MDGA2: variants seen among roughly 807,000 people sequenced by gnomAD.
MDGA2 encodes the protein MAM domain containing glycosylphosphatidylinositol anchor 2.
MDGA2 carries 40 observed loss-of-function variants against 117.8 expected under a neutral mutation model. That is an observed-to-expected ratio of 0.34 (90% CI 0.26 to 0.44). MDGA2 has a LOEUF of 0.44. Ranked by LOEUF, MDGA2 falls within the 20% of genes least tolerant of loss-of-function variation. MDGA2 has a pLI of 1.00. For synonymous variants in MDGA2, 452 were observed against 439.0 expected, an observed-to-expected ratio of 1.03 and a Z score of -0.37; for missense variants, 1,123 against 1,250.6, an observed-to-expected ratio of 0.90 and a Z score of 1.54.
intron 8 of MDGA2, among the ~76,000 whole-genome samples, chr14:47,023,230 A>C (rs1029524175): frequency 6.6e-6 from 1 of 151,862 alleles, no homozygotes; most frequent in Non-Finnish European, 1.5e-5. Flanking sequence ...AAAAGAAAGA[A>C]AGAAAAAAGT....
At chr14:47,597,989 T>C (rs1302679397) in intron 1 of MDGA2, among the ~76,000 whole-genome samples, 1 of 152,014 alleles carries the variant, frequency 6.6e-6, no homozygotes, top group Non-Finnish European at 1.5e-5. Flanking sequence ...AAGTAAAGTG[T>C]CTATAAGACA....
At chr14:47,221,463 C>T (rs577515864) in intron 2 of MDGA2, among the ~76,000 whole-genome samples, 8 of 152,048 alleles carry the variant, frequency 5.3e-5, no homozygotes, top group Non-Finnish European at 1.0e-4. Flanking sequence ...CCGAGGCAGG[C>T]GGATCACGAG....
intron 1 of MDGA2, among the ~76,000 whole-genome samples, chr14:47,619,094 C>A (rs1330501577): frequency 6.9e-6 from 1 of 145,156 alleles, no homozygotes; most frequent in East Asian, 2.1e-4. Flanking sequence ...GATATAATAG[C>A]ATCTCTGAGC....
At chr14:47,602,145 G>A (rs769922702) in intron 1 of MDGA2, among the ~76,000 whole-genome samples, 12 of 152,106 alleles carry the variant, frequency 7.9e-5, no homozygotes, top group Admixed American at 4.6e-4. Context: ...TTTAAAGTAA[G>A]TGACACATAT....
At chr14:47,267,424 A>C (rs550338469) in intron 2 of MDGA2, among the ~76,000 whole-genome samples, 1 of 152,300 alleles carries the variant, frequency 6.6e-6, no homozygotes, top group East Asian at 1.9e-4. Context: ...GACATAAAAA[A>C]TTTGACTCAT....
At chr14:47,527,006 C>A (rs944822785) in intron 1 of MDGA2, among the ~76,000 whole-genome samples, 1 of 152,134 alleles carries the variant, frequency 6.6e-6, no homozygotes, top group Non-Finnish European at 1.5e-5. Context: ...GAGCTTATCA[C>A]AGTATCAGCA....
rs760758103 is a variant in MDGA2 at position 46,855,203 on chromosome 14, A to G, written c.2753-49T>C. On this transcript the variant is annotated intron_variant, in intron 14 of 16. Coordinates refer to ENST00000399232, the MANE Select transcript of MDGA2 (RefSeq NM_001113498.3). This position sits in a 1 kb window ranked among gnomAD's most constrained non-coding sequence, Gnocchi z 4.1. ...TTTTGCATATTCATTTTCACCTCAA[A>G]TTTGTTTTTCCTTGACCAAACACTT... The G allele has an allele frequency of 6.5e-7, 1 of 1,548,532 alleles. No homozygotes were observed. Among genetic ancestry groups the G allele is most frequent in the Non-Finnish European group, 8.8e-7 (1 of 1,142,680 alleles).
intron 1 of MDGA2, among the ~76,000 whole-genome samples, chr14:47,469,058 C>T (rs1893663158): frequency 6.6e-6 from 1 of 152,010 alleles, no homozygotes; most frequent in Non-Finnish European, 1.5e-5. Context: ...CGATGACCTA[C>T]ATAATAGCAT....
At chr14:46,954,237 C>T (rs143935016) in intron 9 of MDGA2, among the ~76,000 whole-genome samples, 1 of 152,044 alleles carries the variant, frequency 6.6e-6, no homozygotes, top group East Asian at 1.9e-4. Context: ...AAGACACGTG[C>T]ACCCATGTCT....
chr14:47,486,665 G>A (rs1026606256), intron 1 of MDGA2, among the ~76,000 whole-genome samples: 14 of 151,878 alleles, frequency 9.2e-5, no homozygotes, highest in African/African-American at 2.9e-4. Flanking sequence ...CTGAATCATC[G>A]GGGCAGGTCT....
chr14:47,234,339 A>G (rs985079549), intron 2 of MDGA2, among the ~76,000 whole-genome samples: 1 of 151,940 alleles, frequency 6.6e-6, no homozygotes, highest in Admixed American at 6.6e-5. Context: ...ACAAAATACC[A>G]TAAGGTAAAT....
intron 1 of MDGA2, among the ~76,000 whole-genome samples, chr14:47,673,814 G>A (rs1327106067): frequency 2.0e-5 from 3 of 152,008 alleles, no homozygotes; most frequent in African/African-American, 4.8e-5. Flanking sequence ...GAGGGGAGAT[G>A]AGATTGTGTT....
intron 1 of MDGA2, among the ~76,000 whole-genome samples, chr14:47,398,725 T>C (rs1282071224): frequency 6.6e-6 from 1 of 152,196 alleles, no homozygotes; most frequent in Non-Finnish European, 1.5e-5. Context: ...CATCCTGCTT[T>C]AAAAATTCCC....
intron 8 of MDGA2, among the ~76,000 whole-genome samples, chr14:47,015,516 G>C (rs1367402007): frequency 1.3e-5 from 2 of 152,012 alleles, no homozygotes; most frequent in African/African-American, 4.8e-5. Context: ...TGAAAACATG[G>C]GGAAGTGAAA....
chr14:47,540,538 G>GTGTGTATGTGTA (rs1566506014), intron 1 of MDGA2, among the ~76,000 whole-genome samples: 2 of 73,906 alleles, frequency 2.7e-5, no homozygotes, highest in African/African-American at 7.9e-5. Context: ...GTGTGTGTGT[G>GTGTGTATGTGTA]TGTATATATA....
chr14:47,507,652 A>C (rs899567273), intron 1 of MDGA2, among the ~76,000 whole-genome samples: 1 of 152,202 alleles, frequency 6.6e-6, no homozygotes, highest in Non-Finnish European at 1.5e-5. Flanking sequence ...ACTTGTCCCT[A>C]GTGATATAGG....
At chr14:47,017,271 T>A in intron 8 of MDGA2, among the ~76,000 whole-genome samples, 2 of 145,970 alleles carry the variant, frequency 1.4e-5, no homozygotes, top group African/African-American at 2.5e-5. Flanking sequence ...ACCCAGAGGG[T>A]CAAAAAGAAT....
At position 46,874,129 on chromosome 14, in the gene MDGA2, A is replaced by G; in HGVS notation, c.2509T>C (p.Trp837Arg). ...FTQDDTDNFD[W>R]TKQSTATRNT... Reference sequence around the variant, plus strand: ...CTTGTTGCTGTACTTTGCTTTGTCCAGTCAAAATTATCTGTATCATCTTGA... The same window carrying G: ...CTTGTTGCTGTACTTTGCTTTGTCCGGTCAAAATTATCTGTATCATCTTGA... Residue 837 changes from tryptophan (W) to arginine (R), a missense_variant, in exon 13 of 17, where the codon TGG (tryptophan) becomes CGG (arginine). Around this residue, in one of 2 missense-constraint regions of MDGA2, gnomAD observed 890 missense variants for 1,050.3 expected, o/e 0.85. Coordinates refer to ENST00000399232, the MANE Select transcript of MDGA2 (RefSeq NM_001113498.3). 1.3e-6 allele frequency: 2 copies of G among 1,546,264 alleles called. No individual in the cohort carries two copies. The highest frequency in any genetic ancestry group is 1.7e-6 in the Non-Finnish European group (2 of 1,147,048).
intron 1 of MDGA2, among the ~76,000 whole-genome samples, chr14:47,308,800 C>G (rs939612801): frequency 7.9e-5 from 12 of 152,116 alleles, no homozygotes; most frequent in Non-Finnish European, 1.0e-4. Context: ...CTTTGCCCTC[C>G]TCTGTCTACT....
Sources: gnomAD v4.1 joint callset for allele counts (sites outside exome capture counted in the v4.1 genomes callset) on GRCh38, gnomAD v4.1.1 for gene constraint, gnomAD v4.1.1 regional missense constraint, Gnocchi (gnomAD v3.1) non-coding constraint, MANE v1.5 for transcripts, NCBI Gene and HGNC (gene_info 2026-07-23, HGNC 2026-07-21) for gene names.